SLC13A3: variants seen among roughly 807,000 people sequenced by gnomAD.
SLC13A3 encodes the protein solute carrier family 13 member 3.
A neutral mutation model predicts 59.0 loss-of-function variants in SLC13A3; 40 were observed. The observed-to-expected ratio is 0.68, with a 90% CI of 0.53 to 0.88. The LOEUF (loss-of-function observed/expected upper bound fraction) is 0.88, where lower values mean the gene tolerates loss of function less well. Among genes scored for constraint, SLC13A3 ranks in the 40% least tolerant of loss-of-function variants. SLC13A3 has a pLI of 0.00. For missense variants in SLC13A3, 699 were observed against 783.2 expected, an observed-to-expected ratio of 0.89 and a Z score of 1.28; for synonymous variants, 317 against 330.3, an observed-to-expected ratio of 0.96 and a Z score of 0.44.
At chr20:46,594,379 C>T (rs971478795) in intron 5 of SLC13A3, among the ~76,000 whole-genome samples, 9 of 152,112 alleles carry the variant, frequency 5.9e-5, no homozygotes, top group Admixed American at 5.9e-4. Context: ...TCAGGGCAGG[C>T]AGGCAGCCTG....
At chr20:46,584,225 AT>A in intron 8 of SLC13A3, 1 of 985,354 alleles carries the variant, frequency 1.0e-6, no homozygotes, top group Non-Finnish European at 1.2e-6. Flanking sequence ...GGCACTTTCC[AT>A]TTCAGGTGGA....
rs146048787 is a variant in SLC13A3 at position 46,642,516 on chromosome 20, G to A, written c.111+8795C>T. Among the ~76,000 whole-genome samples the A allele has an allele frequency of 9.7e-4, 148 of 152,290 alleles. 1 individual carries two copies. Among genetic ancestry groups the A allele is most frequent in the African/African-American group, 3.3e-3 (138 of 41,554 alleles). On this transcript the variant is annotated intron_variant, in intron 1 of 12. Coordinates refer to ENST00000279027, the MANE Select transcript of SLC13A3 (RefSeq NM_022829.6). ...TTGCCAGTTTCTGCCCTCCTGGGTC[G>A]CTGTGCACTGGAAGTCTGCATCTAG...
At chr20:46,591,412 T>C (rs184789216) in intron 6 of SLC13A3, among the ~76,000 whole-genome samples, 3 of 152,316 alleles carry the variant, frequency 2.0e-5, no homozygotes, top group Non-Finnish European at 4.4e-5. Flanking sequence ...GAAGCATATG[T>C]ATGTATTGCC....
intron 1 of SLC13A3, among the ~76,000 whole-genome samples, chr20:46,627,103 C>A (rs2062682030): frequency 6.6e-6 from 1 of 152,192 alleles, no homozygotes; most frequent in Non-Finnish European, 1.5e-5. Flanking sequence ...CCCTGCAGAC[C>A]AGGAGCACCA....
intron 10 of SLC13A3, among the ~76,000 whole-genome samples, chr20:46,570,401 C>A (rs182636867): frequency 2.0e-5 from 3 of 152,146 alleles, no homozygotes; most frequent in South Asian, 2.1e-4. Context: ...AAGCCCATCA[C>A]GAATTGAGAA....
chr20:46,635,106 T>C (rs183991760), intron 1 of SLC13A3, among the ~76,000 whole-genome samples: 137 of 152,350 alleles, frequency 9.0e-4, no homozygotes, highest in Admixed American at 2.3e-3. Context: ...TGGAAAAGGC[T>C]GTTATGAGAA....
At chr20:46,652,423 C>T (rs1568958530), upstream of SLC13A3, among the ~76,000 whole-genome samples, 1 of 151,882 alleles carries the variant, frequency 6.6e-6, no homozygotes, top group Non-Finnish European at 1.5e-5. Context: ...TAGTCTCACT[C>T]TGTAACCCAG....
upstream of SLC13A3, chr20:46,684,479 AG>A (rs1384313825): frequency 6.6e-6 from 1 of 152,268 alleles, no homozygotes; most frequent in Non-Finnish European, 1.5e-5. Context: ...ACGTGGCAGC[AG>A]GAAGTGCCGA....
upstream of SLC13A3, among the ~76,000 whole-genome samples, chr20:46,655,680 G>A (rs1171892787): frequency 6.8e-6 from 1 of 146,734 alleles, no homozygotes; most frequent in East Asian, 2.0e-4. Flanking sequence ...CTATAAACAT[G>A]GGTGTACAAA....
upstream of SLC13A3, among the ~76,000 whole-genome samples, chr20:46,655,123 G>A (rs1827656974): frequency 6.6e-6 from 1 of 151,518 alleles, no homozygotes; most frequent in Non-Finnish European, 1.5e-5. Flanking sequence ...CTTATGTTTT[G>A]AGAAGTTTGG....
At chr20:46,589,561 C>T (rs2062231996) in intron 6 of SLC13A3, among the ~76,000 whole-genome samples, 2 of 152,168 alleles carry the variant, frequency 1.3e-5, no homozygotes, top group African/African-American at 4.8e-5. Flanking sequence ...TAGACACAGA[C>T]TCAATCACAA....
intron 11 of SLC13A3, 36 bp from the exon 12 acceptor site, chr20:46,563,587 G>T: frequency 6.2e-7 from 1 of 1,602,536 alleles, no homozygotes; most frequent in South Asian, 1.1e-5. Context: ...CCCGGAGAGA[G>T]ACCAACGCAG....
chr20:46,630,492 C>A (rs762915860), intron 1 of SLC13A3, among the ~76,000 whole-genome samples: 1 of 152,216 alleles, frequency 6.6e-6, no homozygotes, highest in African/African-American at 2.4e-5. Flanking sequence ...CTCTTGATTT[C>A]CTTCTGCAGT....
At chr20:46,616,578 T>C (rs2062557607) in intron 1 of SLC13A3, among the ~76,000 whole-genome samples, 1 of 152,202 alleles carries the variant, frequency 6.6e-6, no homozygotes. Flanking sequence ...ACCCTTTTGT[T>C]GGAAAAGCCT....
At chr20:46,675,411 T>C (rs1194515285) in intron 1 of SLC13A3, among the ~76,000 whole-genome samples, 3 of 146,430 alleles carry the variant, frequency 2.0e-5, no homozygotes, top group South Asian at 2.1e-4. Context: ...TTTTCTTTTT[T>C]TTTTTTTTTT....
Position 46,613,594 on chromosome 20 carries a change from G to C in SLC13A3, c.243C>G (p.Val81=), listed in dbSNP as rs1414886005. 1 of 1,613,638 alleles carries C rather than the reference G, an allele frequency of 6.2e-7. No individual in the cohort carries two copies. The change falls in exon 2 of 13, where the codon GTC becomes GTG. Residue 81 remains valine, a synonymous_variant. Transcript: ENST00000279027. The part of the protein sequence containing the change: ...PFMGILPSNK[V]CPQYFLDTNF... ...TGGTGTCGAGGAAGTACTGGGGGCAGACCTTGTTGGAGGGCAAGATGCCCA... is the reference window on the plus strand; with the variant it reads ...TGGTGTCGAGGAAGTACTGGGGGCACACCTTGTTGGAGGGCAAGATGCCCA...
At chr20:46,674,598 C>T (rs1415713284), upstream of SLC13A3, among the ~76,000 whole-genome samples, 9 of 55,970 alleles carry the variant, frequency 1.6e-4, no homozygotes, top group South Asian at 3.5e-3. Context: ...TGCGCGCGCG[C>T]GCGCGCGTGT....
intron 3 of SLC13A3, 144 bp from the exon 4 acceptor site, chr20:46,600,181 A>G (rs2062358189): frequency 5.4e-6 from 1 of 185,068 alleles, no homozygotes; most frequent in Non-Finnish European, 1.1e-5. Flanking sequence ...ACAGAGAGAG[A>G]GAGGAAGAGA....
At chr20:46,683,530 C>A (rs1230119229) in intron 1 of SLC13A3, among the ~76,000 whole-genome samples, 1 of 152,202 alleles carries the variant, frequency 6.6e-6, no homozygotes, top group Middle Eastern at 3.2e-3. Flanking sequence ...CTGGGTCCAA[C>A]CAGTTTTTCA....
Sources: gnomAD v4.1 joint callset for allele counts (sites outside exome capture counted in the v4.1 genomes callset) on GRCh38, gnomAD v4.1.1 for gene constraint, MANE v1.5 for transcripts, NCBI Gene and HGNC (gene_info 2026-07-23, HGNC 2026-07-21) for gene names.